Variants in CD4 observed in about 807,000 individuals in gnomAD.
The protein encoded by CD4 is T-cell surface glycoprotein CD4.
In CD4, 25 loss-of-function variants were observed where a neutral mutation model predicts 50.5. The ratio of observed to expected loss-of-function variants is 0.49; its 90% CI spans 0.36 to 0.69. CD4 has a LOEUF of 0.69. Among genes scored for constraint, CD4 ranks in the 30% least tolerant of loss-of-function variants. The pLI is 0.00. For synonymous variants in CD4, 207 were observed against 221.9 expected, an observed-to-expected ratio of 0.93 and a Z score of 0.60; for missense variants, 456 against 548.5, an observed-to-expected ratio of 0.83 and a Z score of 1.68.
intron 1 of CD4, among the ~76,000 whole-genome samples, chr12:6,795,619 G>T (rs1420352380): frequency 6.6e-6 from 1 of 152,254 alleles, no homozygotes; most frequent in Non-Finnish European, 1.5e-5. Context: ...ACAGCAGGAA[G>T]AGTCCTGAAG....
intron 3 of CD4, among the ~76,000 whole-genome samples, chr12:6,808,354 A>G (rs1410033310): frequency 1.0e-5 from 1 of 98,306 alleles, no homozygotes; most frequent in Non-Finnish European, 2.0e-5. Context: ...TGGGAGGCTG[A>G]GGCAGGAGAA....
intron 3 of CD4, among the ~76,000 whole-genome samples, chr12:6,803,294 G>A (rs781841134): frequency 2.2e-4 from 33 of 152,166 alleles, no homozygotes; most frequent in African/African-American, 7.2e-4. Context: ...GGGATTACAG[G>A]TGTGCACCAC....
chr12:6,800,071 G>C lies in CD4; in HGVS notation c.-67-1G>C. The C allele has an allele frequency of 7.2e-7, 1 of 1,396,294 alleles. No individual in the cohort carries two copies. Among genetic ancestry groups the C allele is most frequent in the Non-Finnish European group, 1.0e-6 (1 of 982,534 alleles). The allele number at this position is 1,396,294 out of a possible 1,614,324, so 86.5% of individuals were successfully genotyped here. A position where few individuals can be genotyped will look rare whatever the true frequency, so the allele number is the denominator to read the frequency against. On this transcript the variant is annotated splice_acceptor_variant, in intron 1 of 9. Coordinates refer to ENST00000011653, the MANE Select transcript of CD4 (RefSeq NM_000616.5). LOFTEE classifies it low-confidence loss of function (5UTR_SPLICE). ...TGACTAATGATTGGCATTTCCCTCA[G>C]GCCCTGCCATTTCTGTGGGCTCAGG...
chr12:6,817,443 T>C (rs1943110638), intron 7 of CD4, 113 bp downstream of exon 7: 3 of 879,698 alleles, frequency 3.4e-6, no homozygotes, highest in African/African-American at 1.7e-5. Flanking sequence ...GGGTTATGGG[T>C]ATGGTGTCCT....
intron 6 of CD4, 75 bp from the exon 7 acceptor site, chr12:6,817,055 C>A: frequency 2.3e-6 from 3 of 1,284,900 alleles, no homozygotes; most frequent in Non-Finnish European, 2.2e-6. Flanking sequence ...AAAAGAAGGT[C>A]ACCCATATAG....
rs372481939 is a variant in CD4, at chr12:6,819,378, C to T, written c.*49C>T. 1.1e-5 allele frequency: 17 copies of T among 1,579,728 alleles called. No homozygotes were observed. Among genetic ancestry groups the T allele is most frequent in the Middle Eastern group, 1.7e-4 (1 of 6,000 alleles). Reference sequence around the variant, plus strand: ...CTTGCAGCCTCCCCAGGTGTCTGCCCCGCGTTTCCTGCCTGCGGACCAGAT... The same window carrying T: ...CTTGCAGCCTCCCCAGGTGTCTGCCTCGCGTTTCCTGCCTGCGGACCAGAT... On this transcript the variant is annotated 3_prime_UTR_variant, in exon 10 of 10. Coordinates refer to ENST00000011653, the MANE Select transcript of CD4 (RefSeq NM_000616.5).
At chr12:6,814,419 G>T (rs1014489859) in intron 4 of CD4, 119 bp downstream of exon 4, 2 of 1,088,914 alleles carry the variant, frequency 1.8e-6, no homozygotes, top group Non-Finnish European at 2.6e-6. Flanking sequence ...AGAGGACCAG[G>T]CTGTCAAACT....
Position 6,816,171 on chromosome 12 carries a change from G to C in CD4, c.723G>C (p.Gln241His), listed in dbSNP as rs1943078783. The C allele has an allele frequency of 6.2e-7, 1 of 1,614,070 alleles. No individual in the cohort carries two copies. Among genetic ancestry groups the C allele is most frequent in the African/African-American group, 1.3e-5 (1 of 74,914 alleles). Residue 241 changes from glutamine (Q) to histidine (H), a missense_variant, in exon 6 of 10, where the codon CAG becomes CAC. By Grantham distance (24) the Gln-to-His change is conservative (BLOSUM62 0). Coordinates refer to ENST00000011653, the MANE Select transcript of CD4 (RefSeq NM_000616.5). This position sits in a 1 kb window ranked among gnomAD's most constrained non-coding sequence, Gnocchi z 4.9. ...KLTGSGELWW[Q>H]AERASSSKSW... ...CGGGCAGTGGCGAGCTGTGGTGGCA[G>C]GCGGAGAGGGCTTCCTCCTCCAAGT...
At chr12:6,811,780 G>A (rs183272914) in intron 3 of CD4, among the ~76,000 whole-genome samples, 11 of 150,640 alleles carry the variant, frequency 7.3e-5, no homozygotes, top group Non-Finnish European at 1.3e-4. Context: ...CAAAGTGCTG[G>A]GATTTCAGGC....
At chr12:6,809,186 C>A (rs1183123350) in intron 3 of CD4, among the ~76,000 whole-genome samples, 1 of 152,086 alleles carries the variant, frequency 6.6e-6, no homozygotes, top group Middle Eastern at 3.2e-3. Flanking sequence ...CAATTATGAC[C>A]TTTCCTTGCT....
At chr12:6,799,765 G>T in intron 1 of CD4, 1 of 201,316 alleles carries the variant, frequency 5.0e-6, no homozygotes, top group South Asian at 8.9e-5. Flanking sequence ...ACAGGCATGA[G>T]CCACCGCACC....
At chr12:6,803,985 C>A (rs781913802) in intron 3 of CD4, among the ~76,000 whole-genome samples, 2 of 151,450 alleles carry the variant, frequency 1.3e-5, no homozygotes, top group African/African-American at 4.8e-5. Context: ...GTGGCACACA[C>A]CTATAGTCCC....
At chr12:6,811,491 C>CTTTTTTTTTTTTTTTTTTTTTTA (rs11318741) in intron 3 of CD4, among the ~76,000 whole-genome samples, 1 of 111,024 alleles carries the variant, frequency 9.0e-6, no homozygotes, top group Non-Finnish European at 1.7e-5. Context: ...TTTTCTTTTT[C>CTTTTTTTTTTTTTTTTTTTTTTA]TTTTTTTTTT....
At chr12:6,793,740 C>T (rs1942261851) in intron 1 of CD4, among the ~76,000 whole-genome samples, 1 of 144,482 alleles carries the variant, frequency 6.9e-6, no homozygotes, top group African/African-American at 2.6e-5. Flanking sequence ...ACTCTGTCGC[C>T]CAGGCTGTAG....
At chr12:6,807,235 C>A (rs749184384) in intron 3 of CD4, among the ~76,000 whole-genome samples, 32 of 152,118 alleles carry the variant, frequency 2.1e-4, no homozygotes, top group Non-Finnish European at 3.7e-4. Flanking sequence ...AGGCATTTAT[C>A]CTAGAGCAAT....
intron 7 of CD4, 131 bp downstream of exon 7, chr12:6,817,461 C>A: frequency 1.3e-6 from 1 of 760,532 alleles, no homozygotes; most frequent in Non-Finnish European, 2.1e-6. Context: ...CCTCTGTGGT[C>A]CCAGGGTGCT....
chr12:6,805,560 CCCGA>C (rs1355445647), intron 3 of CD4, among the ~76,000 whole-genome samples: 1 of 38,156 alleles, frequency 2.6e-5, no homozygotes, highest in Non-Finnish European at 9.0e-5. Context: ...GAGTCTGTCT[CCCGA>C]AAAAAAAAAA....
In CD4 at chr12:6,816,551, G is replaced by A; in HGVS notation, c.955+148G>A. ...GTGAGGGAGGGCCCTCTGGGTTTGG[G>A]GCTGGTTTTGAACTGAGACATCCAT... On this transcript the variant is annotated intron_variant, in intron 6 of 9. Coordinates refer to ENST00000011653, the MANE Select transcript of CD4 (RefSeq NM_000616.5). This position sits in a 1 kb window ranked among gnomAD's most constrained non-coding sequence, Gnocchi z 4.9. 1 of 700,186 alleles carries A rather than the reference G, an allele frequency of 1.4e-6. No individual in the cohort carries two copies. Among genetic ancestry groups the A allele is most frequent in the Non-Finnish European group, 2.4e-6 (1 of 423,450 alleles). 43.4% of individuals were successfully genotyped at this position (700,186 alleles called of 1,614,324 possible).
At position 6,792,946 on chromosome 12, in the gene CD4, T is replaced by C. The variant is rs1942209206; in HGVS notation, c.-68+3284T>C. 2.0e-5 allele frequency among the ~76,000 whole-genome samples: 3 copies of C among 151,136 alleles called. No individual in the cohort carries two copies. Reference sequence around the variant, plus strand: ...GATACAGAAATGCACAGATGTGAGCTGAGAAGCAAGGAGGGAGAGAGAGAG... The same window carrying C: ...GATACAGAAATGCACAGATGTGAGCCGAGAAGCAAGGAGGGAGAGAGAGAG... On this transcript the variant is annotated intron_variant, in intron 1 of 9. Coordinates refer to ENST00000011653, the MANE Select transcript of CD4 (RefSeq NM_000616.5). The surrounding 1 kb of genome is among the most constrained non-coding windows in gnomAD (Gnocchi z 4.1).
Sources: allele counts gnomAD v4.1 joint callset (sites outside exome capture counted in the v4.1 genomes callset), GRCh38; gene constraint gnomAD v4.1.1; non-coding constraint Gnocchi (gnomAD v3.1); transcripts MANE v1.5; gene names NCBI Gene and HGNC (gene_info 2026-07-23, HGNC 2026-07-21).